The following NBPF8 variants were observed in gnomAD, a reference collection of about 807,000 sequenced individuals.
The protein encoded by NBPF8 is NBPF member 8, also known as NBPF family member NBPF8.
At chr1:120,433,366 A>G (rs1341291354), upstream of NBPF8, 5 of 152,692 alleles carry the variant, frequency 3.3e-5, no homozygotes, top group African/African-American at 1.2e-4. Context: ...GTGAAAGAAT[A>G]CAGACTCAAA....
At chr1:120,418,643 C>T (rs1660490674), upstream of NBPF8, among the ~76,000 whole-genome samples, 2 of 125,144 alleles carry the variant, frequency 1.6e-5, no homozygotes, top group Non-Finnish European at 3.3e-5. Context: ...CTTGACCTCT[C>T]AGGCTCAAGC....
At chr1:120,415,500 A>G (rs1335250261), upstream of NBPF8, among the ~76,000 whole-genome samples, 2 of 152,118 alleles carry the variant, frequency 1.3e-5, no homozygotes, top group African/African-American at 2.4e-5. Flanking sequence ...GCGCTGGGGA[A>G]GAAACTCGCT....
chr1:120,466,033 G>A (rs1661737918), exon 25 of NBPF8: 1 of 1,611,878 alleles, frequency 6.2e-7, no homozygotes, highest in African/African-American at 1.3e-5. Context: ...GGACTCACTG[G>A]ATAGATGTTA....
chr1:120,415,227 C>A (rs1367107107), upstream of NBPF8, among the ~76,000 whole-genome samples: 2 of 152,196 alleles, frequency 1.3e-5, no homozygotes, highest in African/African-American at 4.8e-5. Context: ...CGGATGCCAT[C>A]TGGATGGGAA....
chr1:120,465,756 CTCTCTGTCTCTG>C (rs1362156469), intron 24 of NBPF8, among the ~76,000 whole-genome samples: 85 of 151,596 alleles, frequency 5.6e-4, no homozygotes, highest in African/African-American at 2.0e-3. Context: ...AGGTCACTTT[CTCTCTGTCTCTG>C]TCTCTGTCTC....
downstream of NBPF8, among the ~76,000 whole-genome samples, chr1:120,468,013 C>T (rs1661791462): frequency 6.6e-6 from 1 of 151,508 alleles, no homozygotes; most frequent in Non-Finnish European, 1.5e-5. Flanking sequence ...TTGTATAGCT[C>T]ATGTTAAATA....
chr1:120,465,254 T>A lies in NBPF8; in HGVS notation n.3460-9T>A, dbSNP rs1661709629. On this transcript the variant is annotated splice_polypyrimidine_tract_variant and intron_variant and non_coding_transcript_variant, in intron 23 of 24. Transcript: ENST00000583271. ...TTAATGTGTCTGTCCATGTCTGAAT[T>A]TATTGCAGAAATTGAAAAGAAGGGG... 38 of 580,558 alleles carry A rather than the reference T, an allele frequency of 6.5e-5. 1 individual carries two copies. The highest frequency in any genetic ancestry group is 5.7e-4 in the South Asian group (36 of 63,694). 36.0% of individuals were successfully genotyped at this position (580,558 alleles called of 1,614,324 possible).
chr1:120,421,297 T>A lies in NBPF8; in HGVS notation n.269+1179T>A, dbSNP rs1358985417. Among the ~76,000 whole-genome samples the A allele has an allele frequency of 1.5e-3, 225 of 152,330 alleles. 2 individuals carry two copies. In the Middle Eastern group the frequency reaches 0.02, roughly 14 times the overall value. ...GCGTGTTCCTGTTAATGGAAAATACTGGTGGTGTAAGTTCCCCTGGATGTT... is the reference window on the plus strand; with the variant it reads ...GCGTGTTCCTGTTAATGGAAAATACAGGTGGTGTAAGTTCCCCTGGATGTT... On this transcript the variant is annotated intron_variant and non_coding_transcript_variant, in intron 1 of 28. Coordinates refer to the NBPF8 transcript ENST00000652355.
At chr1:120,467,951 A>T (rs879213959), downstream of NBPF8, among the ~76,000 whole-genome samples, 14 of 151,058 alleles carry the variant, frequency 9.3e-5, no homozygotes, top group Admixed American at 2.0e-4. Context: ...TGAGTGTGAG[A>T]GTGTGTGTGT....
intron 1 of NBPF8, among the ~76,000 whole-genome samples, chr1:120,420,530 C>T (rs2101443588): frequency 6.6e-6 from 1 of 151,206 alleles, no homozygotes; most frequent in South Asian, 2.1e-4. Flanking sequence ...CACCCGCATC[C>T]CCCAGGCTAA....
At chr1:120,423,190 G>A (rs1660619376) in intron 1 of NBPF8, among the ~76,000 whole-genome samples, 1 of 133,678 alleles carries the variant, frequency 7.5e-6, no homozygotes, top group South Asian at 2.2e-4. Context: ...TATCTAAGAA[G>A]CCATCATTGA....
intron 1 of NBPF8, among the ~76,000 whole-genome samples, chr1:120,423,298 A>G (rs1373850085): frequency 9.2e-6 from 1 of 108,318 alleles, no homozygotes; most frequent in Non-Finnish European, 1.8e-5. Flanking sequence ...TAAAGGGTAT[A>G]TAACATGCAT....
In NBPF8 at chr1:120,431,277, G is replaced by C. The variant is rs74947792; in HGVS notation, n.510+3430G>C. Among the ~76,000 whole-genome samples, 264 of 132,424 alleles carry C rather than the reference G, an allele frequency of 2.0e-3. 5 individuals carry two copies. Among genetic ancestry groups the C allele is most frequent in the African/African-American group, 8.3e-3 (251 of 30,378 alleles). 86.9% of individuals were successfully genotyped at this position (132,424 alleles called of 152,430 possible). On this transcript the variant is annotated intron_variant and non_coding_transcript_variant, in intron 3 of 28. Transcript: ENST00000652355. ...CGTGTGTGTGTGTGTGTGTGTGTGTGTGTGTATATTCACCGTTTTGAAGAT... is the reference window on the plus strand; with the variant it reads ...CGTGTGTGTGTGTGTGTGTGTGTGTCTGTGTATATTCACCGTTTTGAAGAT...
chr1:120,418,265 A>G (rs1421265978), upstream of NBPF8, among the ~76,000 whole-genome samples: 3 of 52,844 alleles, frequency 5.7e-5, no homozygotes, highest in Non-Finnish European at 3.6e-5. Context: ...TAAGGGAAGT[A>G]TGTGGTGTTC....
upstream of NBPF8, chr1:120,433,158 T>A (rs1420218161): frequency 6.6e-6 from 1 of 152,212 alleles, no homozygotes; most frequent in Non-Finnish European, 1.5e-5. Context: ...CTGCTTAATA[T>A]TTCTAGTAGG....
intron 24 of NBPF8, 34 bp from the exon 23 acceptor site, chr1:120,465,944 C>T (rs1661733099): frequency 1.2e-6 from 2 of 1,611,798 alleles, no homozygotes; most frequent in Non-Finnish European, 1.7e-6. Context: ...CTGATTTTCC[C>T]TGGCTGCTTC....
chr1:120,434,133 G>A (rs1295721726), upstream of NBPF8: 1 of 152,430 alleles, frequency 6.6e-6, no homozygotes, highest in East Asian at 1.9e-4. Flanking sequence ...CTGGCGGGTG[G>A]GGGAGGCGGA....
At chr1:120,421,217 C>A (rs1660565109) in intron 1 of NBPF8, among the ~76,000 whole-genome samples, 1 of 152,174 alleles carries the variant, frequency 6.6e-6, no homozygotes, top group African/African-American at 2.4e-5. Context: ...GGGTTGTACC[C>A]CATGGAAACA....
chr1:120,435,675 T>C (rs1262486622), upstream of NBPF8, among the ~76,000 whole-genome samples: 1 of 150,010 alleles, frequency 6.7e-6, no homozygotes, highest in Non-Finnish European at 1.5e-5. Flanking sequence ...ACCCCGTCTC[T>C]ACTAAAAATA....
Sources: allele counts gnomAD v4.1 joint callset (sites outside exome capture counted in the v4.1 genomes callset), GRCh38; gene constraint gnomAD v4.1.1; transcripts MANE v1.5; gene names NCBI Gene and HGNC (gene_info 2026-07-23, HGNC 2026-07-21).